The following ABLIM1 variants were observed in gnomAD, a reference collection of about 807,000 sequenced individuals.
The protein encoded by ABLIM1 is actin-binding LIM protein 1.
Under a neutral mutation model 107.0 loss-of-function variants are expected in ABLIM1, and 40 were observed. The observed-to-expected ratio is 0.37, with a 90% confidence interval of 0.29 to 0.49. ABLIM1 has a LOEUF of 0.49. ABLIM1 is among the 20% of genes least tolerant of loss of function. ABLIM1 has a pLI of 0.97. For synonymous variants in ABLIM1, 357 were observed against 357.3 expected (o/e 1.00, Z 0.01); for missense variants, 857 against 1,008.5 (o/e 0.85, Z 2.04).
rs74158047 is a variant in ABLIM1, at chr10:114,748,525, T to A, written c.-213+19536A>T. Among the ~76,000 whole-genome samples the A allele has an allele frequency of 3.2e-3, 486 of 152,080 alleles. 2 individuals carry two copies. Among genetic ancestry groups the A allele is most frequent in the African/African-American group, 0.011 (469 of 41,474 alleles). ...TGTGTGTGCCTGTCTGTCTGCTCTG[T>A]TTGATGTGTATGCATGTCCAATAAG... On this transcript the variant is annotated intron_variant, in intron 1 of 15. Transcript: ENST00000651092.
At chr10:114,676,347 C>T (rs889849952) in intron 1 of ABLIM1, among the ~76,000 whole-genome samples, 1 of 151,834 alleles carries the variant, frequency 6.6e-6, no homozygotes, top group Non-Finnish European at 1.5e-5. Flanking sequence ...TGTGGTGGTG[C>T]GTGACTGTAA....
intron 1 of ABLIM1, among the ~76,000 whole-genome samples, chr10:114,704,829 G>T (rs1003074497): frequency 6.6e-6 from 1 of 152,110 alleles, no homozygotes. Flanking sequence ...CTCTAATAAG[G>T]CGTCAAGCCC....
intron 1 of ABLIM1, among the ~76,000 whole-genome samples, chr10:114,667,672 TC>T (rs1490000435): frequency 6.6e-6 from 1 of 152,208 alleles, no homozygotes; most frequent in Non-Finnish European, 1.5e-5. Flanking sequence ...CTGTGCTCCT[TC>T]CCAGTCAATC....
chr10:114,604,428 G>A (rs1045800753), intron 1 of ABLIM1, among the ~76,000 whole-genome samples: 3 of 152,222 alleles, frequency 2.0e-5, no homozygotes, highest in South Asian at 2.1e-4. Flanking sequence ...GGGGACACAC[G>A]TAGCAATAAG....
At chr10:114,480,145 G>A (rs187432733) in intron 8 of ABLIM1, among the ~76,000 whole-genome samples, 1 of 152,260 alleles carries the variant, frequency 6.6e-6, no homozygotes, top group African/African-American at 2.4e-5. Flanking sequence ...ACAGGTGATC[G>A]TGACATGTAA....
intron 2 of ABLIM1, among the ~76,000 whole-genome samples, chr10:114,586,748 C>T (rs992968796): frequency 9.2e-5 from 14 of 152,126 alleles, no homozygotes; most frequent in African/African-American, 2.9e-4. Flanking sequence ...CTCATCCTTG[C>T]GGATATGGAC....
At chr10:114,480,675 G>A (rs1334259323) in intron 8 of ABLIM1, among the ~76,000 whole-genome samples, 1 of 152,198 alleles carries the variant, frequency 6.6e-6, no homozygotes, top group East Asian at 1.9e-4. Flanking sequence ...GCAAGTAGGT[G>A]AAACCTTATT....
chr10:114,442,852 T>G (rs892877101), intron 17 of ABLIM1, among the ~76,000 whole-genome samples: 9 of 152,174 alleles, frequency 5.9e-5, no homozygotes, highest in African/African-American at 2.2e-4. Flanking sequence ...ATGCATTTTT[T>G]TTTTTTGAGA....
chr10:114,628,655 C>T lies in ABLIM1; in HGVS notation c.245-26694G>A, dbSNP rs185571670. On this transcript the variant is annotated intron_variant, in intron 1 of 22. Coordinates refer to ENST00000533213, the MANE Select transcript of ABLIM1 (RefSeq NM_002313.7). ...ACAAACAAAAAATGATGTGCCTAAA[C>T]GTAAAATTCTATTTACCTTGAAGTT... is the stretch of plus-strand genomic sequence containing the variant. Among the ~76,000 whole-genome samples, 680 of 152,272 alleles carry T rather than the reference C, an allele frequency of 4.5e-3. 7 individuals are homozygous for T. The highest frequency in any genetic ancestry group is 0.015 in the African/African-American group (638 of 41,540).
At chr10:114,495,437 G>T (rs1470183175) in intron 6 of ABLIM1, among the ~76,000 whole-genome samples, 1 of 151,706 alleles carries the variant, frequency 6.6e-6, no homozygotes, top group African/African-American at 2.4e-5. Context: ...AGTGGTGCTG[G>T]GGTGGTAATG....
intron 12 of ABLIM1, chr10:114,463,184 G>A: frequency 3.2e-6 from 4 of 1,254,916 alleles, no homozygotes; most frequent in Non-Finnish European, 3.1e-6. Context: ...AAGGAGTCAG[G>A]GGCAGGGCAC....
chr10:114,455,766 T>C (rs1189525185), intron 12 of ABLIM1, among the ~76,000 whole-genome samples: 1 of 151,990 alleles, frequency 6.6e-6, no homozygotes. Context: ...CAGATGCTAG[T>C]GCAATAAGTC....
chr10:114,624,970 C>G (rs1047084692), intron 1 of ABLIM1, among the ~76,000 whole-genome samples: 1 of 152,052 alleles, frequency 6.6e-6, no homozygotes, highest in African/African-American at 2.4e-5. Flanking sequence ...AGCACCCCTC[C>G]CCACAAAGAT....
chr10:114,644,129 A>C (rs2078875936), intron 1 of ABLIM1, among the ~76,000 whole-genome samples: 1 of 149,756 alleles, frequency 6.7e-6, no homozygotes, highest in Non-Finnish European at 1.5e-5. Context: ...AAAATACAAA[A>C]AATTAGCTGG....
At chr10:114,780,547 T>C in the ABLIM1 span, among the ~76,000 whole-genome samples, 635 of 152,254 alleles carry the variant, frequency 4.2e-3, 3 homozygotes, top group African/African-American at 0.015. Flanking sequence ...TGTTTGGGGA[T>C]TTGGCTCTCT....
At chr10:114,640,231 T>C (rs1354583850) in intron 1 of ABLIM1, among the ~76,000 whole-genome samples, 2 of 152,004 alleles carry the variant, frequency 1.3e-5, no homozygotes, top group South Asian at 2.1e-4. Flanking sequence ...AGAAGTGAAA[T>C]GAAAACAGTT....
chr10:114,603,953 C>CAAA lies in ABLIM1; in HGVS notation c.245-1995_245-1993dup, dbSNP rs56037072. 5.2e-3 allele frequency among the ~76,000 whole-genome samples: 688 copies of CAAA among 131,324 alleles called. 9 individuals carry two copies. Among genetic ancestry groups the CAAA allele is most frequent in the African/African-American group, 0.019 (637 of 33,056 alleles). The allele number at this position is 131,324 out of a possible 152,430, so 86.2% of individuals were successfully genotyped here. On this transcript the variant is annotated intron_variant, in intron 1 of 22. Coordinates refer to ENST00000533213, the MANE Select transcript of ABLIM1 (RefSeq NM_002313.7). ...GGGGGACAAGAGTGAGACTTTGTCT[C>CAAA]AAAAAAAAAAAAAAAAAAAAGTTTT...
At position 114,690,151 on chromosome 10, in the gene ABLIM1, G is replaced by C. The variant is rs528611583; in HGVS notation, c.-213+77910C>G. On this transcript the variant is annotated intron_variant, in intron 1 of 15. Coordinates refer to the ABLIM1 transcript ENST00000651092. ...TAAAACACAAGTCAAACTTATTCAA[G>C]TTGTCCACAGTCAGCAATGGTGATT... The C allele has an allele frequency of 1.1e-4, 149 of 1,366,674 alleles. 2 individuals carry two copies. The South Asian group carries it at 1.7e-3, about 16-fold the overall frequency. The allele number at this position is 1,366,674 out of a possible 1,614,324, so 84.7% of individuals were successfully genotyped here.
intron 1 of ABLIM1, among the ~76,000 whole-genome samples, chr10:114,760,173 C>T (rs1459837029): frequency 6.6e-6 from 1 of 151,734 alleles, no homozygotes; most frequent in Admixed American, 6.6e-5. Flanking sequence ...TAAATACTAG[C>T]TGATTGAATC....
Sources: allele counts gnomAD v4.1 joint callset (sites outside exome capture counted in the v4.1 genomes callset), GRCh38; gene constraint gnomAD v4.1.1; transcripts MANE v1.5; gene names NCBI Gene and HGNC (gene_info 2026-07-23, HGNC 2026-07-21).